Variants in GLIS3 observed in about 807,000 individuals in gnomAD.
GLIS3 encodes the protein GLIS family zinc finger 3, also known as zinc finger protein GLIS3.
A neutral mutation model predicts 78.6 loss-of-function variants in GLIS3; 53 were observed. The observed-to-expected ratio is 0.67, with a 90% CI of 0.54 to 0.85. The LOEUF (loss-of-function observed/expected upper bound fraction) is 0.85, where lower values mean the gene tolerates loss of function less well. Among genes scored for constraint, GLIS3 ranks in the 40% least tolerant of loss-of-function variants. GLIS3 has a pLI of 0.00. For missense variants in GLIS3, 1,703 were observed against 1,231.1 expected, an observed-to-expected ratio of 1.38 and a Z score of -5.74; for synonymous variants, 684 against 509.9, an observed-to-expected ratio of 1.34 and a Z score of -4.60.
rs77322510 is a variant in GLIS3 at position 4,137,179 on chromosome 9, C to T, written c.389-11238G>A. On this transcript the variant is annotated intron_variant, in intron 2 of 10. Transcript: ENST00000381971. Reference sequence around the variant, plus strand: ...TATAATTAGTTGCTAAAGATTTAGGCGATCACATTTAAATGGGAGAGGGGG... The same window carrying T: ...TATAATTAGTTGCTAAAGATTTAGGTGATCACATTTAAATGGGAGAGGGGG... Among the ~76,000 whole-genome samples, 1,361 of 152,150 alleles carry T rather than the reference C, an allele frequency of 8.9e-3. 27 individuals are homozygous for T. Among genetic ancestry groups the T allele is most frequent in the African/African-American group, 0.031 (1,271 of 41,502 alleles).
chr9:3,956,545 C>A (rs549544238), intron 4 of GLIS3, among the ~76,000 whole-genome samples: 2 of 152,192 alleles, frequency 1.3e-5, no homozygotes, highest in Non-Finnish European at 2.9e-5. Context: ...CACTCTGATT[C>A]TCAGCCCATT....
the GLIS3 span, among the ~76,000 whole-genome samples, chr9:4,413,799 A>G: frequency 6.6e-6 from 1 of 152,116 alleles, no homozygotes; most frequent in South Asian, 2.1e-4. Context: ...AAAAACCCCA[A>G]AAGAGCCAGT....
chr9:4,200,501 A>G (rs910056139), intron 2 of GLIS3, among the ~76,000 whole-genome samples: 1 of 152,170 alleles, frequency 6.6e-6, no homozygotes, highest in African/African-American at 2.4e-5. Context: ...AAGAAACACA[A>G]AGGATCTTCA....
intron 2 of GLIS3, among the ~76,000 whole-genome samples, chr9:4,192,514 C>A (rs1038476333): frequency 5.3e-5 from 8 of 152,314 alleles, no homozygotes; most frequent in Middle Eastern, 3.4e-3. Flanking sequence ...TTAAGAACTG[C>A]CTGTACTGGT....
chr9:4,059,829 T>TGTGTGTGAGAGAGAGAGA, intron 4 of GLIS3, among the ~76,000 whole-genome samples: 28 of 100,706 alleles, frequency 2.8e-4, no homozygotes, highest in South Asian at 8.0e-4. Context: ...TGTGTGTGTG[T>TGTGTGTGAGAGAGAGAGA]GAGAGAGAGA....
chr9:4,412,440 T>C, the GLIS3 span, among the ~76,000 whole-genome samples: 2 of 152,158 alleles, frequency 1.3e-5, no homozygotes, highest in African/African-American at 4.8e-5. Flanking sequence ...TCATACCTAG[T>C]GTAACCTAAG....
At chr9:4,192,337 T>C (rs1410677349) in intron 2 of GLIS3, among the ~76,000 whole-genome samples, 1 of 152,238 alleles carries the variant, frequency 6.6e-6, no homozygotes, top group Non-Finnish European at 1.5e-5. Flanking sequence ...ACCTCAGTTA[T>C]TTTCTAATTT....
intron 4 of GLIS3, among the ~76,000 whole-genome samples, chr9:3,982,584 A>C (rs1819391673): frequency 6.6e-6 from 1 of 152,190 alleles, no homozygotes; most frequent in Non-Finnish European, 1.5e-5. Flanking sequence ...ATGCAGGAAA[A>C]AATTTGCTAT....
At chr9:4,303,290 C>CACAG (rs1554654870), upstream of GLIS3, among the ~76,000 whole-genome samples, 1 of 151,442 alleles carries the variant, frequency 6.6e-6, no homozygotes, top group East Asian at 1.9e-4. Context: ...CACACACACA[C>CACAG]GAGCTGGCAA....
the GLIS3 span, among the ~76,000 whole-genome samples, chr9:4,428,095 T>C: frequency 6.6e-6 from 1 of 151,970 alleles, no homozygotes; most frequent in African/African-American, 2.4e-5. Flanking sequence ...CATGAGCTGA[T>C]AACAGGAGGA....
At chr9:4,104,957 T>C (rs1830642073) in intron 4 of GLIS3, among the ~76,000 whole-genome samples, 1 of 152,220 alleles carries the variant, frequency 6.6e-6, no homozygotes, top group Non-Finnish European at 1.5e-5. Context: ...GAGGCCTTGC[T>C]GTTTTGCACC....
chr9:4,247,920 C>G (rs528791858), intron 2 of GLIS3, among the ~76,000 whole-genome samples: 5 of 152,224 alleles, frequency 3.3e-5, no homozygotes, highest in East Asian at 3.9e-4. Context: ...AAATTACTCT[C>G]AGTTATTTTG....
intron 2 of GLIS3, among the ~76,000 whole-genome samples, chr9:4,169,011 T>C (rs1816131771): frequency 6.6e-6 from 1 of 152,246 alleles, no homozygotes; most frequent in Non-Finnish European, 1.5e-5. Context: ...AGGTAGTATT[T>C]GGATATTTTT....
intron 4 of GLIS3, among the ~76,000 whole-genome samples, chr9:4,112,723 T>A (rs1452728679): frequency 6.6e-6 from 1 of 152,192 alleles, no homozygotes; most frequent in Non-Finnish European, 1.5e-5. Context: ...GAAATTGGAG[T>A]GTGATAGTAA....
chr9:3,963,418 C>T (rs1243491284), intron 4 of GLIS3, among the ~76,000 whole-genome samples: 1 of 152,160 alleles, frequency 6.6e-6, no homozygotes, highest in Non-Finnish European at 1.5e-5. Flanking sequence ...AGATGTGCCG[C>T]TTGTTCTCAT....
At chr9:3,861,911 C>T (rs139840436) in intron 8 of GLIS3, among the ~76,000 whole-genome samples, 43 of 152,238 alleles carry the variant, frequency 2.8e-4, no homozygotes, top group Admixed American at 7.2e-4. Flanking sequence ...CAAACCGGCA[C>T]ATCCTGCAAA....
the GLIS3 span, among the ~76,000 whole-genome samples, chr9:4,371,935 G>A: frequency 6.6e-6 from 1 of 152,156 alleles, no homozygotes; most frequent in Non-Finnish European, 1.5e-5. Flanking sequence ...GCTCAGCTCT[G>A]CCTGTCTGCT....
At chr9:3,843,146 A>T (rs1222264953) in intron 9 of GLIS3, among the ~76,000 whole-genome samples, 2 of 152,214 alleles carry the variant, frequency 1.3e-5, no homozygotes, top group African/African-American at 2.4e-5. Context: ...CTTGTGGCTT[A>T]GACTTCTGTT....
the GLIS3 span, among the ~76,000 whole-genome samples, chr9:4,360,131 T>G: frequency 6.6e-6 from 1 of 152,154 alleles, no homozygotes; most frequent in Non-Finnish European, 1.5e-5. Flanking sequence ...GGCACAGGTT[T>G]TATGCAAACC....
Sources: allele counts gnomAD v4.1 joint callset (sites outside exome capture counted in the v4.1 genomes callset), GRCh38; gene constraint gnomAD v4.1.1; transcripts MANE v1.5; gene names NCBI Gene and HGNC (gene_info 2026-07-23, HGNC 2026-07-21).